The following CCBE1 variants were observed in gnomAD, a reference collection of about 807,000 sequenced individuals.
CCBE1 encodes collagen and calcium-binding EGF domain-containing protein 1.
Under a neutral mutation model 50.0 loss-of-function variants are expected in CCBE1, and 37 were observed. The observed-to-expected ratio is 0.74, with a 90% CI of 0.57 to 0.97. The LOEUF is 0.97. Ranked by LOEUF, CCBE1 falls within the 50% of genes least tolerant of loss-of-function variation. CCBE1 has a pLI of 0.00. For missense variants in CCBE1, 538 were observed against 523.8 expected (o/e 1.03, Z -0.26); for synonymous variants, 234 against 203.7 (o/e 1.15, Z -1.27).
At chr18:59,607,680 A>G (rs2053516785) in intron 2 of CCBE1, among the ~76,000 whole-genome samples, 1 of 152,236 alleles carries the variant, frequency 6.6e-6, no homozygotes, top group Admixed American at 6.5e-5. Context: ...CAATGGTTAG[A>G]CACGGACTCT....
rs926360332 is a variant in CCBE1, at chr18:59,534,172, A to G, written c.213-53934T>C. Among the ~76,000 whole-genome samples, 4 of 152,194 alleles carry G rather than the reference A, an allele frequency of 2.6e-5. No individual in the cohort carries two copies. In the South Asian group the frequency reaches 8.3e-4, roughly 31 times the overall value. On this transcript the variant is annotated intron_variant, in intron 2 of 10. Transcript: ENST00000439986. ...TAATGATAAATGAATGTTTGACTCT[A>G]TCTTAGAAATAGTTTGGTTAGTCAT... is the stretch of plus-strand genomic sequence containing the variant.
At chr18:59,468,828 A>G (rs1210294618) in intron 4 of CCBE1, among the ~76,000 whole-genome samples, 1 of 134,164 alleles carries the variant, frequency 7.5e-6, no homozygotes, top group Non-Finnish European at 1.6e-5. Flanking sequence ...GGTGTGGAGA[A>G]AAGGCCAGGT....
At chr18:59,458,888 C>A (rs1911332438) in intron 5 of CCBE1, among the ~76,000 whole-genome samples, 1 of 152,224 alleles carries the variant, frequency 6.6e-6, no homozygotes, top group Non-Finnish European at 1.5e-5. Context: ...TGAAGCTCCT[C>A]TGACGCAGAA....
At chr18:59,598,728 C>G (rs1238611581) in intron 2 of CCBE1, among the ~76,000 whole-genome samples, 2 of 152,170 alleles carry the variant, frequency 1.3e-5, no homozygotes, top group Non-Finnish European at 2.9e-5. Flanking sequence ...TCTACATTCC[C>G]CTGACCCAAG....
At chr18:59,696,397 C>G in intron 2 of CCBE1, 1 of 1,131,810 alleles carries the variant, frequency 8.8e-7, no homozygotes, top group Non-Finnish European at 1.2e-6. Flanking sequence ...CGGCAACCAT[C>G]CTCAGGATCT....
chr18:59,473,718 AC>A (rs1912155890), intron 3 of CCBE1, among the ~76,000 whole-genome samples: 1 of 67,100 alleles, frequency 1.5e-5, no homozygotes, highest in African/African-American at 5.7e-5. Context: ...CCTACTACTC[AC>A]CTTCCAACCC....
chr18:59,480,704 CTATT>C (rs1912531464), intron 2 of CCBE1, among the ~76,000 whole-genome samples: 1 of 151,364 alleles, frequency 6.6e-6, no homozygotes, highest in Non-Finnish European at 1.5e-5. Flanking sequence ...AGGTAGTCAA[CTATT>C]AAGACCAAGA....
chr18:59,526,805 T>A (rs11152158), intron 2 of CCBE1, among the ~76,000 whole-genome samples: 4 of 151,864 alleles, frequency 2.6e-5, no homozygotes, highest in Non-Finnish European at 5.9e-5. Context: ...CAGTTTCCAC[T>A]TAGTTTTGTG....
chr18:59,564,375 A>G (rs2052786254), intron 2 of CCBE1, among the ~76,000 whole-genome samples: 1 of 152,174 alleles, frequency 6.6e-6, no homozygotes, highest in Admixed American at 6.5e-5. Context: ...ATATATATAC[A>G]CACACACATA....
chr18:59,444,154 G>A (rs1356476142), intron 7 of CCBE1, among the ~76,000 whole-genome samples: 1 of 152,142 alleles, frequency 6.6e-6, no homozygotes, highest in Admixed American at 6.5e-5. Flanking sequence ...ATGGACACCT[G>A]GGTTATATCC....
chr18:59,511,975 C>T (rs1296301299), intron 2 of CCBE1, among the ~76,000 whole-genome samples: 2 of 152,190 alleles, frequency 1.3e-5, no homozygotes, highest in East Asian at 1.9e-4. Context: ...ACATGAGGCT[C>T]ATGTATCCTT....
intron 2 of CCBE1, among the ~76,000 whole-genome samples, chr18:59,503,837 T>C (rs1435645470): frequency 6.6e-6 from 1 of 152,208 alleles, no homozygotes; most frequent in African/African-American, 2.4e-5. Flanking sequence ...ACATACCAAA[T>C]GTCTACATGT....
intron 2 of CCBE1, among the ~76,000 whole-genome samples, chr18:59,518,829 A>G (rs948839360): frequency 6.6e-6 from 1 of 152,196 alleles, no homozygotes; most frequent in Non-Finnish European, 1.5e-5. Flanking sequence ...CTGGCAGCCT[A>G]AAGTGAGAAA....
intron 2 of CCBE1, among the ~76,000 whole-genome samples, chr18:59,503,908 C>G (rs1227253611): frequency 1.3e-5 from 2 of 152,174 alleles, no homozygotes; most frequent in African/African-American, 4.8e-5. Context: ...CTCAGAAGAT[C>G]CCTTTGTAAG....
rs1432851250 is a variant in CCBE1 at position 59,584,356 on chromosome 18, C to T, written c.213-104118G>A. Among the ~76,000 whole-genome samples the T allele has an allele frequency of 5.0e-4, 46 of 91,764 alleles. 2 individuals are homozygous for T. The highest frequency in any genetic ancestry group is 4.6e-4 in the Admixed American group (3 of 6,532). 60.2% of individuals were successfully genotyped at this position (91,764 alleles called of 152,430 possible). A position where few individuals can be genotyped will look rare whatever the true frequency, so the allele number is the denominator to read the frequency against. ...CACACTCTGGGGACTGTTGTGGGGT[C>T]GGGGGAGGGGGGAGGGATAGCATTA... On this transcript the variant is annotated intron_variant, in intron 2 of 10. Transcript: ENST00000439986.
At chr18:59,614,586 C>T (rs1052714049) in intron 2 of CCBE1, among the ~76,000 whole-genome samples, 1 of 152,166 alleles carries the variant, frequency 6.6e-6, no homozygotes, top group Non-Finnish European at 1.5e-5. Flanking sequence ...AAGACCCATG[C>T]TATGGCGGCT....
chr18:59,631,791 G>C (rs2053852368), intron 2 of CCBE1, among the ~76,000 whole-genome samples: 1 of 152,190 alleles, frequency 6.6e-6, no homozygotes, highest in Non-Finnish European at 1.5e-5. Context: ...GCATCAGGGA[G>C]GTAGAAATTT....
At chr18:59,496,114 T>C (rs540119641) in intron 2 of CCBE1, among the ~76,000 whole-genome samples, 1 of 152,336 alleles carries the variant, frequency 6.6e-6, no homozygotes, top group East Asian at 1.9e-4. Flanking sequence ...AGATAGTGCC[T>C]TGGTGTCTTA....
At chr18:59,447,070 T>C (rs1910703582) in intron 7 of CCBE1, among the ~76,000 whole-genome samples, 1 of 152,226 alleles carries the variant, frequency 6.6e-6, no homozygotes, top group African/African-American at 2.4e-5. Context: ...CATTGTATAT[T>C]TCCTGATGAA....
Sources: gnomAD v4.1 joint callset for allele counts (sites outside exome capture counted in the v4.1 genomes callset) on GRCh38, gnomAD v4.1.1 for gene constraint, MANE v1.5 for transcripts, NCBI Gene and HGNC (gene_info 2026-07-23, HGNC 2026-07-21) for gene names.